The following PCF11 variants were observed in gnomAD, a reference collection of about 807,000 sequenced individuals.
The protein encoded by PCF11 is PCF11 cleavage and polyadenylation factor subunit.
PCF11 carries 19 observed loss-of-function variants against 166.1 expected under a neutral mutation model. The observed-to-expected ratio is 0.11, with a 90% CI of 0.08 to 0.17. The LOEUF is 0.17. Among genes scored for constraint, PCF11 ranks in the 10% least tolerant of loss-of-function variants. The pLI is 1.00. For missense variants in PCF11, 1,565 were observed against 1,855.5 expected, an observed-to-expected ratio of 0.84 and a Z score of 2.88; for synonymous variants, 663 against 644.1, an observed-to-expected ratio of 1.03 and a Z score of -0.44.
Position 83,167,157 on chromosome 11 carries a change from C to G in PCF11, c.1850C>G (p.Pro617Arg), listed in dbSNP as rs1270211989. 6.2e-7 allele frequency: 1 copy of G among 1,613,282 alleles called. No homozygotes were observed. The highest frequency in any genetic ancestry group is 2.2e-5 in the East Asian group (1 of 44,854). The change falls in exon 6 of 16, where the codon CCT (proline) becomes CGT (arginine). Residue 617 changes from proline (P) to arginine (R), a missense_variant. Around this residue, in one of 12 missense-constraint regions of PCF11, gnomAD observed 468 missense variants for 483.4 expected, o/e 0.97. Coordinates refer to ENST00000298281, the Ensembl canonical transcript of PCF11. The surrounding 1 kb of genome is among the most constrained non-coding windows in gnomAD (Gnocchi z 4.2). ...CAGGTTGATGAACATAGTAAACCTC[C>G]TCATCTGAGGCATAGGGAGAGCTGG... is the stretch of plus-strand genomic sequence containing the variant.
exon 5 of PCF11, chr11:83,166,461 C>G (rs780673773): frequency 1.9e-6 from 3 of 1,613,814 alleles, no homozygotes; most frequent in Admixed American, 1.7e-5. Context: ...TGGAAAGATT[C>G]GCCAATCTGG....
chr11:83,176,739 T>C (rs1860896949), intron 9 of PCF11, among the ~76,000 whole-genome samples: 1 of 151,828 alleles, frequency 6.6e-6, no homozygotes, highest in African/African-American at 2.4e-5. Context: ...CTAATGTAAA[T>C]GACGAGTTGA....
chr11:83,164,040 C>G (rs964204861), intron 3 of PCF11, among the ~76,000 whole-genome samples, 167 bp from the exon 4 acceptor site: 3 of 150,608 alleles, frequency 2.0e-5, no homozygotes, highest in African/African-American at 7.3e-5. Flanking sequence ...GAAATATATT[C>G]ACCTTGTTTA....
At chr11:83,179,985 T>C (rs751485241) in intron 11 of PCF11, among the ~76,000 whole-genome samples, 8 of 152,178 alleles carry the variant, frequency 5.3e-5, no homozygotes, top group Non-Finnish European at 1.2e-4. Flanking sequence ...CCCCTCCATG[T>C]AGTTATAAGA....
At chr11:83,179,747 T>C (rs1861020987) in intron 11 of PCF11, among the ~76,000 whole-genome samples, 1 of 151,858 alleles carries the variant, frequency 6.6e-6, no homozygotes, top group African/African-American at 2.4e-5. Flanking sequence ...CTAGAACCTG[T>C]CTCTACTAGA....
At chr11:83,157,415 G>T (rs1183411326) in exon 1 of PCF11, 23 of 1,599,662 alleles carry the variant, frequency 1.4e-5, no homozygotes, top group Non-Finnish European at 2.0e-5. Flanking sequence ...AGCTGCAGCG[G>T]ACCTCGGAGG....
At chr11:83,165,613 G>C in exon 5 of PCF11, 1 of 1,608,566 alleles carries the variant, frequency 6.2e-7, no homozygotes, top group Non-Finnish European at 8.5e-7. Context: ...GTTTCTCTTA[G>C]TGTTCAGCAG....
At chr11:83,168,531 A>T (rs1200469592) in exon 8 of PCF11, 1 of 1,614,054 alleles carries the variant, frequency 6.2e-7, no homozygotes, top group Admixed American at 1.7e-5. Context: ...CAGCATCAAG[A>T]TTCGCCGGCC....
At position 83,160,321 on chromosome 11, in the gene PCF11, G is replaced by GTTTTT. The variant is rs35201107; in HGVS notation, c.193-988_193-984dup. On this transcript the variant is annotated intron_variant, in intron 1 of 15. Coordinates refer to ENST00000298281, the Ensembl canonical transcript of PCF11. ...GGGTGGGTAAATGGGGATAACCTAA[G>GTTTTT]TTTTTTTTTTTTTTTTTTTTTTGTC... is the stretch of plus-strand genomic sequence containing the variant. Among the ~76,000 whole-genome samples the GTTTTT allele has an allele frequency of 6.1e-3, 558 of 91,224 alleles. 16 individuals are homozygous for GTTTTT. The highest frequency in any genetic ancestry group is 0.022 in the African/African-American group (514 of 23,388). 59.8% of individuals were successfully genotyped at this position (91,224 alleles called of 152,430 possible).
Position 83,167,796 on chromosome 11 carries a change from A to G in PCF11, c.2092+291A>G, listed in dbSNP as rs1361481571. 5 of 1,374,294 alleles carry G rather than the reference A, an allele frequency of 3.6e-6. No homozygotes were observed. The highest frequency in any genetic ancestry group is 4.8e-6 in the Non-Finnish European group (5 of 1,044,846). The allele number at this position is 1,374,294 out of a possible 1,614,324, so 85.1% of individuals were successfully genotyped here. A position where few individuals can be genotyped will look rare whatever the true frequency, so the allele number is the denominator to read the frequency against. On this transcript the variant is annotated intron_variant, in intron 7 of 15. Coordinates refer to ENST00000298281, the Ensembl canonical transcript of PCF11. The surrounding 1 kb of genome is among the most constrained non-coding windows in gnomAD (Gnocchi z 4.2). ...TGACAGAAAAGAACAATTTAGTGAA[A>G]GAGCAAGACGTCTTTCTCCTATATC... is the stretch of plus-strand genomic sequence containing the variant.
At chr11:83,176,526 G>A (rs1860886133) in intron 9 of PCF11, among the ~76,000 whole-genome samples, 1 of 152,204 alleles carries the variant, frequency 6.6e-6, no homozygotes, top group African/African-American at 2.4e-5. Flanking sequence ...ATGAGTTCAT[G>A]TCCTTTGCAG....
exon 16 of PCF11, chr11:83,185,110 G>C: frequency 2.3e-6 from 1 of 431,486 alleles, no homozygotes; most frequent in Non-Finnish European, 4.0e-6. Context: ...TTCTGTAGAT[G>C]TGTGCAAATT....
chr11:83,159,011 C>G (rs1472221294), intron 1 of PCF11: 5 of 152,138 alleles, frequency 3.3e-5, no homozygotes, highest in Non-Finnish European at 5.9e-5. Context: ...GTTCCATCCA[C>G]TCTTTTGGGT....
chr11:83,161,950 T>A (rs1427701872), intron 2 of PCF11, among the ~76,000 whole-genome samples: 1 of 152,194 alleles, frequency 6.6e-6, no homozygotes, highest in African/African-American at 2.4e-5. Flanking sequence ...TCAAGGTATG[T>A]TTTAGGTGAA....
At position 83,166,296 on chromosome 11, in the gene PCF11, CAG is replaced by C. The variant is rs1432552369; in HGVS notation, c.1400_1401del (p.Gln467ArgfsTer10). 2 of 1,613,408 alleles carry C rather than the reference CAG, an allele frequency of 1.2e-6. No homozygotes were observed. The highest frequency in any genetic ancestry group is 8.5e-7 in the Non-Finnish European group (1 of 1,179,628). ...TACAATAACAGAAGAGTCAGAAAAACAGGGGACAAAACCAGGGAGATCGAGTA... is the reference window on the plus strand; with the variant it reads ...TACAATAACAGAAGAGTCAGAAAAACGGGACAAAACCAGGGAGATCGAGTA... On this transcript the variant is annotated frameshift_variant, in exon 5 of 16. Coordinates refer to ENST00000298281, the Ensembl canonical transcript of PCF11. LOFTEE classifies it high-confidence loss of function.
chr11:83,172,960 T>C (rs1275062239), intron 9 of PCF11, among the ~76,000 whole-genome samples: 1 of 152,214 alleles, frequency 6.6e-6, no homozygotes, highest in Non-Finnish European at 1.5e-5. Context: ...ATTTGGAAGC[T>C]TTTAAGTTTT....
intron 9 of PCF11, among the ~76,000 whole-genome samples, chr11:83,175,441 T>A (rs1860842572): frequency 6.6e-6 from 1 of 152,036 alleles, no homozygotes; most frequent in Non-Finnish European, 1.5e-5. Flanking sequence ...CCTAAAATAT[T>A]GTTTTCATAG....
chr11:83,175,033 C>T (rs903381161), intron 9 of PCF11, among the ~76,000 whole-genome samples: 9 of 152,276 alleles, frequency 5.9e-5, no homozygotes, highest in African/African-American at 1.9e-4. Flanking sequence ...TATGTGGATG[C>T]AAATTGAATT....
At chr11:83,164,075 G>T (rs1334917147) in intron 3 of PCF11, 132 bp from the exon 4 acceptor site, 6 of 651,618 alleles carry the variant, frequency 9.2e-6, no homozygotes, top group Non-Finnish European at 1.5e-5. Context: ...TTTATTTTGG[G>T]TTTTAAATTT....
Sources: gnomAD v4.1 joint callset for allele counts (sites outside exome capture counted in the v4.1 genomes callset) on GRCh38, gnomAD v4.1.1 for gene constraint, gnomAD v4.1.1 regional missense constraint, Gnocchi (gnomAD v3.1) non-coding constraint, MANE v1.5 for transcripts, NCBI Gene and HGNC (gene_info 2026-07-23, HGNC 2026-07-21) for gene names.